The following TENM2 variants were observed in gnomAD, a reference collection of about 807,000 sequenced individuals.
The protein encoded by TENM2 is teneurin-2.
Under a neutral mutation model 245.2 loss-of-function variants are expected in TENM2, and 52 were observed. The observed-to-expected ratio is 0.21, with a 90% CI of 0.17 to 0.27. TENM2 has a LOEUF of 0.27. TENM2 is among the 10% of genes least tolerant of loss of function. TENM2 has a pLI of 1.00. For missense variants in TENM2, 3,046 were observed against 3,666.8 expected (o/e 0.83, Z 4.37); for synonymous variants, 1,363 against 1,438.9 (o/e 0.95, Z 1.19).
At chr5:167,211,528 T>G in the TENM2 span, among the ~76,000 whole-genome samples, 1 of 152,194 alleles carries the variant, frequency 6.6e-6, no homozygotes, top group East Asian at 1.9e-4. Flanking sequence ...TCATTTGCAA[T>G]GCTAAGTTGA....
At chr5:167,280,788 ATC>A (rs926775855), upstream of TENM2, among the ~76,000 whole-genome samples, 4 of 150,726 alleles carry the variant, frequency 2.7e-5, no homozygotes, top group Admixed American at 6.6e-5. Context: ...CTATCTATCT[ATC>A]TATCTATCTA....
At chr5:167,350,571 AGATATATATATGG>A (rs1561883229) in intron 1 of TENM2, among the ~76,000 whole-genome samples, 2 of 142,818 alleles carry the variant, frequency 1.4e-5, no homozygotes, top group African/African-American at 2.6e-5. Context: ...GGATATATAT[AGATATATATATGG>A]GATATATATA....
At chr5:167,556,951 T>C (rs1003942752) in intron 2 of TENM2, among the ~76,000 whole-genome samples, 3 of 152,360 alleles carry the variant, frequency 2.0e-5, no homozygotes, top group African/African-American at 7.2e-5. Context: ...CTGAACTCCT[T>C]ATAATGTCAA....
intron 9 of TENM2, among the ~76,000 whole-genome samples, chr5:168,110,599 C>A (rs1055418811): frequency 3.9e-5 from 6 of 152,154 alleles, no homozygotes; most frequent in African/African-American, 1.4e-4. Context: ...ATGAAACAGA[C>A]CCCCCATGCC....
intron 2 of TENM2, among the ~76,000 whole-genome samples, chr5:167,763,853 T>C (rs1422738792): frequency 6.6e-6 from 1 of 152,222 alleles, no homozygotes; most frequent in Admixed American, 6.5e-5. Context: ...GTGAGCATTT[T>C]TTTTTTCCTT....
At chr5:167,060,650 CAAAAA>C in the TENM2 span, among the ~76,000 whole-genome samples, 3 of 101,750 alleles carry the variant, frequency 2.9e-5, no homozygotes, top group Non-Finnish European at 3.9e-5. Context: ...GACCTTCTCT[CAAAAA>C]AAAAAAAAAA....
the TENM2 span, among the ~76,000 whole-genome samples, chr5:167,093,832 A>G: frequency 6.6e-6 from 1 of 152,154 alleles, no homozygotes; most frequent in Non-Finnish European, 1.5e-5. Flanking sequence ...TGAAAAGATG[A>G]TTTTCATAGT....
intron 2 of TENM2, among the ~76,000 whole-genome samples, chr5:167,691,353 A>T (rs1757419895): frequency 6.6e-6 from 1 of 152,152 alleles, no homozygotes; most frequent in African/African-American, 2.4e-5. Context: ...AGAAAAAAAT[A>T]AGACCTGGAA....
intron 27 of TENM2, among the ~76,000 whole-genome samples, chr5:168,253,615 CG>C (rs1314874076): frequency 6.6e-6 from 1 of 150,514 alleles, no homozygotes; most frequent in East Asian, 2.0e-4. Context: ...TTAGTAGAGA[CG>C]GGGTTTCACC....
chr5:168,055,221 A>G (rs1415922121), intron 6 of TENM2, among the ~76,000 whole-genome samples: 1 of 152,180 alleles, frequency 6.6e-6, no homozygotes, highest in Non-Finnish European at 1.5e-5. Flanking sequence ...GGAATACAAC[A>G]TACACCCCAA....
At chr5:167,048,412 A>T in the TENM2 span, among the ~76,000 whole-genome samples, 96,305 of 151,994 alleles carry the variant, frequency 0.63, 32,554 homozygotes, top group African/African-American at 0.89. Flanking sequence ...TATAAGGTTT[A>T]AATGAAACTC....
the TENM2 span, among the ~76,000 whole-genome samples, chr5:167,114,745 A>C: frequency 6.6e-6 from 1 of 152,180 alleles, no homozygotes; most frequent in African/African-American, 2.4e-5. Flanking sequence ...AATGGATTCC[A>C]TAGATAATTT....
At chr5:167,339,889 G>A (rs529543553) in intron 1 of TENM2, among the ~76,000 whole-genome samples, 2 of 152,132 alleles carry the variant, frequency 1.3e-5, no homozygotes, top group Admixed American at 6.5e-5. Context: ...AGCAGCTCTC[G>A]TTACACGCTG....
intron 2 of TENM2, among the ~76,000 whole-genome samples, chr5:167,813,914 A>G (rs1156233653): frequency 1.3e-5 from 2 of 152,178 alleles, no homozygotes; most frequent in African/African-American, 4.8e-5. Context: ...CTCTGGTAAC[A>G]TGAAATATTG....
At chr5:167,106,109 G>A in the TENM2 span, among the ~76,000 whole-genome samples, 1 of 152,016 alleles carries the variant, frequency 6.6e-6, no homozygotes, top group African/African-American at 2.4e-5. Context: ...GATTGAATGA[G>A]ATAATGCCTA....
the TENM2 span, among the ~76,000 whole-genome samples, chr5:167,118,084 G>A: frequency 6.6e-6 from 1 of 152,136 alleles, no homozygotes; most frequent in Non-Finnish European, 1.5e-5. Flanking sequence ...GACTAAGTGA[G>A]CCTCCAGTAT....
At chr5:168,094,932 T>C (rs1793236796) in intron 8 of TENM2, among the ~76,000 whole-genome samples, 1 of 151,950 alleles carries the variant, frequency 6.6e-6, no homozygotes, top group South Asian at 2.1e-4. Context: ...AACCCTATTG[T>C]GAACTGTGCA....
intron 2 of TENM2, among the ~76,000 whole-genome samples, chr5:167,516,562 T>C (rs72829400): frequency 3.3e-4 from 51 of 152,278 alleles, no homozygotes; most frequent in Non-Finnish European, 7.2e-4. Flanking sequence ...TACAAAGACG[T>C]GGATGTCCTT....
At chr5:167,188,512 C>T in the TENM2 span, among the ~76,000 whole-genome samples, 1 of 152,138 alleles carries the variant, frequency 6.6e-6, no homozygotes, top group Non-Finnish European at 1.5e-5. Context: ...AAACCCTTCA[C>T]TCAGTATAAA....
Sources: allele counts gnomAD v4.1 joint callset (sites outside exome capture counted in the v4.1 genomes callset), GRCh38; gene constraint gnomAD v4.1.1; transcripts MANE v1.5; gene names NCBI Gene and HGNC (gene_info 2026-07-23, HGNC 2026-07-21).